Variants in CHEK2 observed in about 807,000 individuals in gnomAD.
The protein encoded by CHEK2 is checkpoint kinase 2, also known as serine/threonine-protein kinase Chk2.
CHEK2 carries 71 observed loss-of-function variants against 69.1 expected under a neutral mutation model. The observed-to-expected ratio is 1.03, with a 90% CI of 0.85 to 1.25. The LOEUF (loss-of-function observed/expected upper bound fraction) is 1.25. Among genes scored for constraint, CHEK2 ranks in the 50% most tolerant of loss-of-function variants. The probability of loss-of-function intolerance (pLI) is 0.00; values close to 1 mark genes in which losing one functional copy is unlikely to be tolerated. For missense variants in CHEK2, 664 were observed against 649.6 expected, an observed-to-expected ratio of 1.02 and a Z score of -0.24; for synonymous variants, 189 against 226.9, an observed-to-expected ratio of 0.83 and a Z score of 1.50.
intron 4 of CHEK2, among the ~76,000 whole-genome samples, chr22:28,720,912 G>T (rs1364802404): frequency 6.6e-6 from 1 of 152,208 alleles, no homozygotes; most frequent in African/African-American, 2.4e-5. Context: ...ACAGGGTCAG[G>T]CTGTGTTGAG....
chr22:28,724,635 T>C (rs995460072), intron 4 of CHEK2: 18 of 361,890 alleles, frequency 5.0e-5, no homozygotes, highest in Non-Finnish European at 8.6e-5. Context: ...GGCACGATCT[T>C]GGCTCACTGC....
intron 8 of CHEK2, among the ~76,000 whole-genome samples, chr22:28,701,707 G>A (rs17881494): frequency 3.9e-5 from 6 of 152,112 alleles, no homozygotes; most frequent in East Asian, 1.9e-4. Context: ...AGACATTATC[G>A]CCACTGAAAT....
rs876658908 is a variant in CHEK2 at position 28,694,092 on chromosome 22, C to G, written c.1401G>C (p.Leu467Phe). The change falls in exon 13 of 15, where the codon TTG (leucine) becomes TTC (phenylalanine). Residue 467 changes from leucine (L) to phenylalanine (F), a missense_variant. By Grantham distance (22) the Leu-to-Phe change is conservative (BLOSUM62 0). Coordinates refer to ENST00000404276, the MANE Select transcript of CHEK2 (RefSeq NM_007194.4). Reference sequence around the variant, plus strand: ...TAAAACGTGCCTTTGGATCCACTACCAACAACTTCTTGACAAGGTCCAGAG... The same window carrying G: ...TAAAACGTGCCTTTGGATCCACTACGAACAACTTCTTGACAAGGTCCAGAG... Reference protein sequence around the residue: ...EKALDLVKKLLVVDPKARFTT... With the variant: ...EKALDLVKKLFVVDPKARFTT... 2 of 1,595,774 alleles carry G rather than the reference C, an allele frequency of 1.3e-6. No homozygotes were observed. Among genetic ancestry groups the G allele is most frequent in the Non-Finnish European group, 1.7e-6 (2 of 1,179,334 alleles).
At chr22:28,712,208 A>G (rs964648351) in intron 5 of CHEK2, 191 bp from the exon 6 acceptor site, 2 of 604,538 alleles carry the variant, frequency 3.3e-6, no homozygotes, top group Non-Finnish European at 5.9e-6. Context: ...CAAAAACACT[A>G]AGTCAGCTCC....
intron 1 of CHEK2, among the ~76,000 whole-genome samples, chr22:28,735,010 A>C (rs180742222): frequency 6.6e-6 from 1 of 152,310 alleles, no homozygotes; most frequent in African/African-American, 2.4e-5. Context: ...AAAAGCAATA[A>C]AATTGAGCTG....
chr22:28,700,360 C>T (rs1321515635), intron 8 of CHEK2, among the ~76,000 whole-genome samples: 5 of 152,000 alleles, frequency 3.3e-5, no homozygotes, highest in Admixed American at 3.3e-4. Flanking sequence ...TACAGGTATG[C>T]ACCACCATGC....
chr22:28,700,488 T>G (rs764794995), intron 8 of CHEK2, among the ~76,000 whole-genome samples: 10 of 152,112 alleles, frequency 6.6e-5, no homozygotes, highest in Admixed American at 2.6e-4. Context: ...AGTGCTGGGA[T>G]TACAGGCATA....
intron 2 of CHEK2, among the ~76,000 whole-genome samples, chr22:28,728,631 G>C (rs2054089067): frequency 6.6e-6 from 1 of 152,156 alleles, no homozygotes; most frequent in South Asian, 2.1e-4. Context: ...GAACCTGTGA[G>C]GCAGAGGCTG....
intron 1 of CHEK2, among the ~76,000 whole-genome samples, chr22:28,740,392 A>G (rs1033064627): frequency 7.9e-5 from 12 of 152,162 alleles, no homozygotes; most frequent in African/African-American, 2.7e-4. Flanking sequence ...GCCCGCATCA[A>G]AAACTCTTCC....
intron 2 of CHEK2, among the ~76,000 whole-genome samples, chr22:28,726,785 T>TAG (rs2054027222): frequency 1.4e-5 from 2 of 142,652 alleles, no homozygotes; most frequent in Admixed American, 7.5e-5. Flanking sequence ...TCTGCACTCT[T>TAG]CCTCATGGCC....
chr22:28,724,805 A>T, intron 4 of CHEK2, 172 bp downstream of exon 4: 2 of 707,188 alleles, frequency 2.8e-6, no homozygotes, highest in South Asian at 1.5e-5. Flanking sequence ...ACCTCAGGTG[A>T]TCCATCCGCC....
Position 28,734,566 on chromosome 22 carries a change from G to A in CHEK2, c.156C>T (p.Ser52=), listed in dbSNP as rs1555932466. The change falls in exon 2 of 15, where the codon TCC becomes TCT. Residue 52 remains serine (S), a synonymous_variant. Coordinates refer to ENST00000404276, the MANE Select transcript of CHEK2 (RefSeq NM_007194.4). Reference sequence around the variant, plus strand: ...TCAGTGTCCCAGAGCTGGAGTGAGAGGACTGGCTGGAGTTTGGCATCGTGC... The same window carrying A: ...TCAGTGTCCCAGAGCTGGAGTGAGAAGACTGGCTGGAGTTTGGCATCGTGC... ...STSTMPNSSQ[S]SHSSSGTLSS... is the part of the protein sequence containing the mutation. 6.2e-7 allele frequency: 1 copy of A among 1,613,912 alleles called. No individual in the cohort carries two copies. The highest frequency in any genetic ancestry group is 1.3e-5 in the African/African-American group (1 of 74,940).
chr22:28,699,764 G>T (rs1282278226), intron 9 of CHEK2, 74 bp downstream of exon 9: 1 of 1,051,808 alleles, frequency 9.5e-7, no homozygotes, highest in Non-Finnish European at 1.5e-6. Flanking sequence ...ACGGTCCCTC[G>T]ATTTCTGCCT....
intron 5 of CHEK2, among the ~76,000 whole-genome samples, chr22:28,714,561 G>A (rs961644144): frequency 6.6e-6 from 1 of 152,134 alleles, no homozygotes; most frequent in Admixed American, 6.5e-5. Context: ...TATAGGGCTT[G>A]CAAATATTTA....
chr22:28,691,545 A>T (rs1424787724), intron 13 of CHEK2, among the ~76,000 whole-genome samples: 43 of 152,376 alleles, frequency 2.8e-4, no homozygotes, highest in African/African-American at 9.6e-4. Context: ...CAAAATATTA[A>T]ATTAGCCAGG....
chr22:28,736,622 A>G (rs1471523828), intron 1 of CHEK2, among the ~76,000 whole-genome samples: 1 of 152,226 alleles, frequency 6.6e-6, no homozygotes, highest in Non-Finnish European at 1.5e-5. Context: ...CCCTTGTCTT[A>G]GAATTAACCT....
In CHEK2 at chr22:28,699,846, C is replaced by T. The variant is rs864622371; in HGVS notation, c.1000G>A (p.Ala334Thr). 1 of 1,612,754 alleles carries T rather than the reference C, an allele frequency of 6.2e-7. No individual in the cohort carries two copies. Among genetic ancestry groups the T allele is most frequent in the Non-Finnish European group, 8.5e-7 (1 of 1,178,792 alleles). Residue 334 changes from alanine (A) to threonine (T), a missense_variant, in exon 9 of 15, where the codon GCT (alanine) becomes ACT (threonine). Physicochemically the swap from Ala to Thr is moderately conservative, Grantham distance 58 (BLOSUM62 0). Transcript: ENST00000404276. ...CKLYFYQMLL[A>T]VQYLHENGII... ...TTGAGGGCTTCTTTTACCTGCACAG[C>T]CAAGAGCATCTGGTAAAAATAGAGC...
rs2052982778 is a variant in CHEK2 at position 28,703,564 on chromosome 22, A to C, written c.849T>G (p.Pro283=). 4 of 1,558,220 alleles carry C rather than the reference A, an allele frequency of 2.6e-6. No homozygotes were observed. In the East Asian group the frequency reaches 9.0e-5, roughly 35 times the overall value. ...AAAAGTTTTTAATCTTGATGATGCA[A>C]GGCTAAGAAGAGGGGGAGAAAAAAG... ...EIEILKKLNH[P]CIIKIKNFFD... is the part of the protein sequence containing the mutation. Residue 283 remains proline (P), a splice_region_variant and synonymous_variant, in exon 8 of 15, where the codon CCT becomes CCG. Coordinates refer to ENST00000404276, the MANE Select transcript of CHEK2 (RefSeq NM_007194.4).
At position 28,702,135 on chromosome 22, in the gene CHEK2, C is replaced by CTGTGTGTGTGTGTGTGTGTG. The variant is rs141703411; in HGVS notation, c.908+1350_908+1369dup. On this transcript the variant is annotated intron_variant, in intron 8 of 14. Transcript: ENST00000404276. ...CCCGGCTAATTTTGTGTGTGTGTGT[C>CTGTGTGTGTGTGTGTGTGTG]TGTGTGTGTGTGTGTGTGTGTGTGT... Among the ~76,000 whole-genome samples the CTGTGTGTGTGTGTGTGTGTG allele has an allele frequency of 1.6e-4, 23 of 140,408 alleles. No homozygotes were observed. The East Asian group carries it at 2.5e-3, about 15-fold the overall frequency. 92.1% of individuals were successfully genotyped at this position (140,408 alleles called of 152,430 possible).
Sources: gnomAD v4.1 joint callset for allele counts (sites outside exome capture counted in the v4.1 genomes callset) on GRCh38, gnomAD v4.1.1 for gene constraint, MANE v1.5 for transcripts, NCBI Gene and HGNC (gene_info 2026-07-23, HGNC 2026-07-21) for gene names.